The following FER variants were observed in gnomAD, a reference collection of about 807,000 sequenced individuals.
FER encodes tyrosine-protein kinase Fer.
FER carries 63 observed loss-of-function variants against 111.0 expected under a neutral mutation model. The ratio of observed to expected loss-of-function variants is 0.57; its 90% CI spans 0.46 to 0.70. The LOEUF (loss-of-function observed/expected upper bound fraction) is 0.70, where lower values mean the gene tolerates loss of function less well. Ranked by LOEUF, FER falls within the 30% of genes least tolerant of loss-of-function variation. The pLI is 0.00. For synonymous variants in FER, 327 were observed against 313.9 expected (o/e 1.04, Z -0.44); for missense variants, 914 against 954.0 (o/e 0.96, Z 0.55).
Position 108,883,395 on chromosome 5 carries a change from G to C in FER, c.924-1G>C. ...GTTATTGAGGATACTGTTTATTCTAGGTTGAAAACGTTAGCGGAAGAACTT... is the reference window on the plus strand; with the variant it reads ...GTTATTGAGGATACTGTTTATTCTACGTTGAAAACGTTAGCGGAAGAACTT... On this transcript the variant is annotated splice_acceptor_variant, in intron 8 of 19. Coordinates refer to ENST00000281092, the MANE Select transcript of FER (RefSeq NM_005246.4). LOFTEE classifies it high-confidence loss of function. The C allele has an allele frequency of 6.2e-7, 1 of 1,600,088 alleles. No homozygotes were observed. Among genetic ancestry groups the C allele is most frequent in the Non-Finnish European group, 8.5e-7 (1 of 1,173,174 alleles).
rs149440264 is a variant in FER, at chr5:109,110,926, T to C, written c.2048+10407T>C. 7.8e-3 allele frequency among the ~76,000 whole-genome samples: 1,186 copies of C among 152,292 alleles called. 10 individuals are homozygous for C. The highest frequency in any genetic ancestry group is 0.028 in the African/African-American group (1,151 of 41,574). ...TGCTGTGCTACTGGTGATACAATCA[T>C]GAGCAAGATGGACAGAGTACCATTC... On this transcript the variant is annotated intron_variant, in intron 17 of 19. Coordinates refer to ENST00000281092, the MANE Select transcript of FER (RefSeq NM_005246.4).
chr5:109,116,427 A>C (rs199863140), intron 17 of FER, among the ~76,000 whole-genome samples: 1 of 49,326 alleles, frequency 2.0e-5, no homozygotes, highest in Non-Finnish European at 4.3e-5. Context: ...TCCCCCCGCC[A>C]AAAAAAAAAA....
At chr5:109,185,581 T>TTCAGATACCACAGAGAAAGTAAG (rs1207649326) in intron 18 of FER, among the ~76,000 whole-genome samples, 1 of 152,178 alleles carries the variant, frequency 6.6e-6, no homozygotes, top group East Asian at 1.9e-4. Flanking sequence ...ATCTATCTCA[T>TTCAGATACCACAGAGAAAGTAAG]TCAGATACCA....
intron 5 of FER, among the ~76,000 whole-genome samples, chr5:108,856,665 A>G (rs1357005689): frequency 1.3e-5 from 2 of 152,162 alleles, no homozygotes; most frequent in African/African-American, 4.8e-5. Context: ...CTAGGACACC[A>G]TGGATTGTAG....
rs534604802 is a variant in FER, at chr5:108,841,433, T to C, written c.481+5626T>C. 6.6e-5 allele frequency among the ~76,000 whole-genome samples: 10 copies of C among 152,308 alleles called. No homozygotes were observed. The South Asian group carries it at 2.1e-3, about 32-fold the overall frequency. ...ACTAAGTAGTATAAAGGAAATAATATATTTTTAAAAACTTTTAACTTGTAT... is the reference window on the plus strand; with the variant it reads ...ACTAAGTAGTATAAAGGAAATAATACATTTTTAAAAACTTTTAACTTGTAT... On this transcript the variant is annotated intron_variant, in intron 5 of 19. Transcript: ENST00000281092.
At chr5:108,981,256 G>C (rs1335022220) in intron 13 of FER, among the ~76,000 whole-genome samples, 4 of 151,844 alleles carry the variant, frequency 2.6e-5, no homozygotes, top group South Asian at 4.2e-4. Flanking sequence ...CATATTTATG[G>C]GGGTCATTGA....
chr5:108,928,914 A>C (rs902422360), intron 10 of FER, among the ~76,000 whole-genome samples: 1 of 152,168 alleles, frequency 6.6e-6, no homozygotes, highest in African/African-American at 2.4e-5. Flanking sequence ...TATTTTAGCC[A>C]CATAAGCCTT....
rs899652387 is a variant in FER at position 109,193,832 on chromosome 5, A to C, written c.*6257A>C. On this transcript the variant is annotated 3_prime_UTR_variant, in exon 20 of 20. Transcript: ENST00000281092. ...TCTCCTCAGGTACTTGGGGGCCCCT[A>C]GCCTTCTAAGGAACTCCCAGGCACC... 6.6e-6 allele frequency: 1 copy of C among 152,284 alleles called. No individual in the cohort carries two copies. Among genetic ancestry groups the C allele is most frequent in the East Asian group, 1.9e-4 (1 of 5,180 alleles). 9.4% of individuals were successfully genotyped at this position (152,284 alleles called of 1,614,324 possible). A position where few individuals can be genotyped will look rare whatever the true frequency, so the allele number is the denominator to read the frequency against.
At chr5:109,109,619 G>A (rs893093010) in intron 17 of FER, among the ~76,000 whole-genome samples, 1 of 152,124 alleles carries the variant, frequency 6.6e-6, no homozygotes, top group African/African-American at 2.4e-5. Context: ...AGGAGTATCT[G>A]AAGGCTTTCC....
chr5:109,118,345 A>G (rs868342646), intron 17 of FER, among the ~76,000 whole-genome samples: 27 of 152,306 alleles, frequency 1.8e-4, no homozygotes, highest in South Asian at 4.1e-4. Context: ...CTTGCATCCC[A>G]GGGATGAAGC....
intron 17 of FER, among the ~76,000 whole-genome samples, chr5:109,116,206 A>T (rs1163475773): frequency 1.3e-5 from 2 of 152,082 alleles, no homozygotes; most frequent in African/African-American, 4.8e-5. Flanking sequence ...GCTTCCAAAA[A>T]TCTGTAACCT....
chr5:108,821,295 C>G (rs1758816382), intron 3 of FER, among the ~76,000 whole-genome samples: 1 of 152,040 alleles, frequency 6.6e-6, no homozygotes. Context: ...TAGGAACATG[C>G]TTATAAATCT....
At chr5:109,068,345 G>T (rs948627399) in intron 16 of FER, among the ~76,000 whole-genome samples, 1 of 151,870 alleles carries the variant, frequency 6.6e-6, no homozygotes, top group Non-Finnish European at 1.5e-5. Flanking sequence ...CTCCACACCC[G>T]GCTAATTTTT....
intron 16 of FER, among the ~76,000 whole-genome samples, chr5:109,053,479 T>G (rs1213691935): frequency 6.6e-6 from 1 of 151,780 alleles, no homozygotes; most frequent in Non-Finnish European, 1.5e-5. Flanking sequence ...TACTCATGCC[T>G]CTTTGTAATT....
chr5:109,185,104 G>GA (rs1373156596), intron 18 of FER, among the ~76,000 whole-genome samples: 1 of 152,188 alleles, frequency 6.6e-6, no homozygotes, highest in Admixed American at 6.5e-5. Context: ...CTGGAGATTG[G>GA]AAAAAACTGA....
intron 12 of FER, among the ~76,000 whole-genome samples, chr5:108,956,782 A>G (rs1200966300): frequency 6.6e-6 from 1 of 151,526 alleles, no homozygotes; most frequent in East Asian, 1.9e-4. Context: ...GACAGTTTTA[A>G]TTCTTTTTCA....
chr5:108,764,174 A>G (rs1752056938), intron 1 of FER, among the ~76,000 whole-genome samples: 1 of 152,168 alleles, frequency 6.6e-6, no homozygotes, highest in Non-Finnish European at 1.5e-5. Context: ...GGGAAAAGAA[A>G]ATTAAGATGC....
chr5:109,014,351 A>G (rs1766731980), intron 13 of FER, among the ~76,000 whole-genome samples: 1 of 152,152 alleles, frequency 6.6e-6, no homozygotes. Context: ...TCCTTTCCCC[A>G]TTGTTGTTTT....
rs1166330857 is a variant in FER, at chr5:108,954,736, A to T, written c.1337A>T (p.Asp446Val). Residue 446 changes from aspartate to valine, a missense_variant, in exon 12 of 20, where the codon GAT becomes GTT. Physicochemically the swap from Asp to Val is radical, Grantham distance 152. This residue lies in a region of FER where 774 missense variants were observed against 782.6 expected (regional missense o/e 0.99). Coordinates refer to ENST00000281092, the MANE Select transcript of FER (RefSeq NM_005246.4). ...KSALGSSALS[D>V]MISISEKPLA... is the part of the protein sequence containing the mutation. ...TTTTAATATTTGTTTAAGCTTTCTG[A>T]TATGATCTCCATCAGTGAGAAGCCT... 3.8e-6 allele frequency: 6 copies of T among 1,570,204 alleles called. No individual in the cohort carries two copies. The Admixed American group carries it at 1.1e-4, about 28-fold the overall frequency.
Sources: allele counts gnomAD v4.1 joint callset (sites outside exome capture counted in the v4.1 genomes callset), GRCh38; gene constraint gnomAD v4.1.1; regional missense constraint gnomAD v4.1.1; transcripts MANE v1.5; gene names NCBI Gene and HGNC (gene_info 2026-07-23, HGNC 2026-07-21).